PRSS3: variants seen among roughly 807,000 people sequenced by gnomAD.
PRSS3 encodes trypsin-3.
A neutral mutation model predicts 20.8 loss-of-function variants in PRSS3; 14 were observed. The ratio of observed to expected loss-of-function variants is 0.67; its 90% CI spans 0.44 to 1.05. PRSS3 has a LOEUF of 1.05. Ranked by LOEUF, PRSS3 falls within the 50% of genes least tolerant of loss-of-function variation. PRSS3 has a pLI of 0.00. For missense variants in PRSS3, 237 were observed against 306.4 expected, an observed-to-expected ratio of 0.77 and a Z score of 1.69; for synonymous variants, 91 against 117.6, an observed-to-expected ratio of 0.77 and a Z score of 1.46.
chr9:33,798,760 G>A, intron 4 of PRSS3, 138 bp downstream of exon 4: 2 of 1,401,280 alleles, frequency 1.4e-6, no homozygotes, highest in South Asian at 1.3e-5. Flanking sequence ...AGGTGGCGGG[G>A]CTGAGGCGGC....
Position 33,750,717 on chromosome 9 carries a change from G to T in PRSS3, c.-63G>T, listed in dbSNP as rs1383884217. 1.4e-6 allele frequency: 2 copies of T among 1,446,350 alleles called. No homozygotes were observed. The highest frequency in any genetic ancestry group is 1.5e-5 in the African/African-American group (1 of 68,014). 89.6% of individuals were successfully genotyped at this position (1,446,350 alleles called of 1,614,324 possible). On this transcript the variant is annotated 5_prime_UTR_variant, in exon 1 of 6. Transcript: ENST00000342836. This position sits in a 1 kb window ranked among gnomAD's most constrained non-coding sequence, Gnocchi z 4.8. Reference sequence around the variant, plus strand: ...CGCGGGATGCAGACGGCTGCGAGGCGCTGGGCACAGGTCAGACGTCAGTAC... The same window carrying T: ...CGCGGGATGCAGACGGCTGCGAGGCTCTGGGCACAGGTCAGACGTCAGTAC...
In PRSS3 at chr9:33,774,263, A is replaced by G. The variant is rs141336505; in HGVS notation, c.-52-20483A>G. Among the ~76,000 whole-genome samples the G allele has an allele frequency of 6.1e-3, 922 of 152,318 alleles. 8 individuals carry two copies. The highest frequency in any genetic ancestry group is 0.021 in the African/African-American group (872 of 41,568). ...ACGTGTTCCATAATGTAGCTAATCT[A>G]ATGAACTAATCCATTAATTTGTTAA... On this transcript the variant is annotated intron_variant, in intron 1 of 5. Coordinates refer to the PRSS3 transcript ENST00000342836.
At position 33,798,658 on chromosome 9, in the gene PRSS3, G is replaced by A. The variant is rs551392796; in HGVS notation, c.591+36G>A. Reference sequence around the variant, plus strand: ...CCTTTCCCATGCTGAGGCTCCCACCGATACCCAGGCCCCACCGGGGAAAAA... The same window carrying A: ...CCTTTCCCATGCTGAGGCTCCCACCAATACCCAGGCCCCACCGGGGAAAAA... On this transcript the variant is annotated intron_variant, in intron 4 of 4. Coordinates refer to ENST00000379405, the MANE Select transcript of PRSS3 (RefSeq NM_002771.4). 2.3e-5 allele frequency: 37 copies of A among 1,613,470 alleles called. 1 individual carries two copies. The highest frequency in any genetic ancestry group is 1.1e-4 in the East Asian group (5 of 44,854).
intron 1 of PRSS3, among the ~76,000 whole-genome samples, chr9:33,775,703 T>TTG (rs1563961654): frequency 6.7e-6 from 1 of 149,492 alleles, no homozygotes; most frequent in Non-Finnish European, 1.5e-5. Context: ...GCTTGAAGTT[T>TTG]TTTTTTTTTT....
intron 1 of PRSS3, among the ~76,000 whole-genome samples, chr9:33,774,854 C>T (rs566881865): frequency 3.9e-5 from 6 of 151,990 alleles, no homozygotes; most frequent in Admixed American, 6.5e-5. Context: ...GGCATGGTGG[C>T]GCACGCCTGT....
intron 1 of PRSS3, 44 bp from the exon 2 acceptor site, chr9:33,796,599 A>G (rs1269185955): frequency 1.9e-6 from 3 of 1,611,066 alleles, no homozygotes; most frequent in South Asian, 1.1e-5. Context: ...CACCACCCCT[A>G]ACATGCTACT....
At chr9:33,794,979 T>C (rs1458919683), upstream of PRSS3, 5 of 1,450,698 alleles carry the variant, frequency 3.4e-6, no homozygotes, top group Non-Finnish European at 4.6e-6. Context: ...TCCTATGGAA[T>C]GCTAAGTCTC....
intron 1 of PRSS3, among the ~76,000 whole-genome samples, chr9:33,777,327 T>G (rs1044926035): frequency 6.6e-6 from 1 of 151,496 alleles, no homozygotes; most frequent in African/African-American, 2.4e-5. Flanking sequence ...ATAATACCAG[T>G]TGGAAGCTTG....
At chr9:33,783,889 C>CAAAA (rs555198245) in intron 1 of PRSS3, among the ~76,000 whole-genome samples, 2 of 91,280 alleles carry the variant, frequency 2.2e-5, no homozygotes, top group Non-Finnish European at 4.5e-5. Flanking sequence ...GACTTAATCT[C>CAAAA]AAAAAAAAAA....
chr9:33,766,461 T>A (rs1045489930), intron 1 of PRSS3, among the ~76,000 whole-genome samples: 20 of 151,834 alleles, frequency 1.3e-4, no homozygotes, highest in African/African-American at 4.1e-4. Flanking sequence ...TAGTCCCAGC[T>A]ACTCGGGAGG....
intron 1 of PRSS3, among the ~76,000 whole-genome samples, chr9:33,767,434 G>T (rs190038143): frequency 5.3e-4 from 80 of 152,350 alleles, no homozygotes; most frequent in Admixed American, 5.1e-3. Context: ...CAGTGCCTCA[G>T]AATATGCCTG....
chr9:33,771,652 T>G (rs1265674760), intron 1 of PRSS3, among the ~76,000 whole-genome samples: 3 of 145,380 alleles, frequency 2.1e-5, no homozygotes, highest in South Asian at 2.2e-4. Context: ...TTTGTTTTTT[T>G]TTTTTTTGAG....
At position 33,797,847 on chromosome 9, in the gene PRSS3, G is replaced by A. The variant is rs1450300735; in HGVS notation, c.219G>A (p.Leu73=). The change falls in exon 3 of 5, where the codon CTG becomes CTA. Residue 73 remains leucine, a synonymous_variant. Transcript: ENST00000379405. ...HCYKTRIQVR[L]GEHNIKVLEG... The stretch of plus-strand genomic sequence containing the variant: ...CCATCAGCCGCATCCAGGTGAGACT[G>A]GGAGAGCACAACATCAAAGTCCTGG... 1.2e-6 allele frequency: 2 copies of A among 1,614,142 alleles called. No homozygotes were observed. Among genetic ancestry groups the A allele is most frequent in the African/African-American group, 2.7e-5 (2 of 74,942 alleles).
chr9:33,761,893 A>G (rs1823225628), intron 1 of PRSS3, among the ~76,000 whole-genome samples: 1 of 152,058 alleles, frequency 6.6e-6, no homozygotes. Context: ...AAAAGAAGAA[A>G]AAAAGGTATT....
chr9:33,798,744 T>C (rs536694645), intron 4 of PRSS3, 122 bp downstream of exon 4: 7 of 1,477,146 alleles, frequency 4.7e-6, no homozygotes, highest in Non-Finnish European at 6.5e-6. Context: ...CATGGAGAAA[T>C]GAGGAAGGTG....
At chr9:33,792,304 G>A (rs1296823635), upstream of PRSS3, among the ~76,000 whole-genome samples, 1 of 151,968 alleles carries the variant, frequency 6.6e-6, no homozygotes, top group Non-Finnish European at 1.5e-5. Context: ...GAGCTTAGGA[G>A]AAAGATCTGG....
intron 2 of PRSS3, 108 bp from the exon 3 acceptor site, chr9:33,797,721 A>G: frequency 1.2e-6 from 2 of 1,602,754 alleles, no homozygotes; most frequent in Non-Finnish European, 1.7e-6. Context: ...ACCCCACCCC[A>G]TGCCTCCAGA....
At chr9:33,785,871 T>C (rs1824382472) in intron 1 of PRSS3, 1 of 155,494 alleles carries the variant, frequency 6.4e-6, no homozygotes, top group Admixed American at 6.5e-5. Context: ...TTCCCTTATA[T>C]TCTAACCTAT....
At chr9:33,752,911 C>T (rs1587364699) in intron 1 of PRSS3, among the ~76,000 whole-genome samples, 2 of 152,200 alleles carry the variant, frequency 1.3e-5, no homozygotes, top group East Asian at 1.9e-4. Flanking sequence ...ATATCATAAG[C>T]CATTATCTTG....
Sources: allele counts gnomAD v4.1 joint callset (sites outside exome capture counted in the v4.1 genomes callset), GRCh38; gene constraint gnomAD v4.1.1; non-coding constraint Gnocchi (gnomAD v3.1); transcripts MANE v1.5; gene names NCBI Gene and HGNC (gene_info 2026-07-23, HGNC 2026-07-21).